USP42: variants seen among roughly 807,000 people sequenced by gnomAD.
USP42 encodes ubiquitin specific peptidase 42.
In USP42, 23 loss-of-function variants were observed where a neutral mutation model predicts 113.0. That is an observed-to-expected ratio of 0.20 (90% CI 0.15 to 0.29). The LOEUF (loss-of-function observed/expected upper bound fraction) is 0.29. Among genes scored for constraint, USP42 ranks in the 10% least tolerant of loss-of-function variants. The pLI is 1.00. For synonymous variants in USP42, 933 were observed against 699.0 expected (o/e 1.33, Z -5.28); for missense variants, 2,174 against 1,779.8 (o/e 1.22, Z -3.99).
At chr7:6,117,591 G>C (rs923654614) in intron 3 of USP42, among the ~76,000 whole-genome samples, 3 of 152,186 alleles carry the variant, frequency 2.0e-5, no homozygotes, top group South Asian at 2.1e-4. Flanking sequence ...TGGGGTGGGT[G>C]TGTACTTTAA....
upstream of USP42, among the ~76,000 whole-genome samples, chr7:6,102,065 A>G (rs1404573234): frequency 6.7e-6 from 1 of 150,248 alleles, no homozygotes; most frequent in Non-Finnish European, 1.5e-5. Flanking sequence ...CTTAATTCAC[A>G]AAAAATACCT....
At chr7:6,085,622 A>T in the USP42 span, among the ~76,000 whole-genome samples, 81,415 of 139,432 alleles carry the variant, frequency 0.58, 24,728 homozygotes, top group Non-Finnish European at 0.62. Context: ...ATATATATAT[A>T]TATTTTTTTT....
At chr7:6,105,954 A>C (rs888886688) in intron 1 of USP42, among the ~76,000 whole-genome samples, 3 of 152,200 alleles carry the variant, frequency 2.0e-5, no homozygotes, top group Admixed American at 2.0e-4. Flanking sequence ...CTGTTTGAGA[A>C]ACTAGTTAAC....
intron 3 of USP42, among the ~76,000 whole-genome samples, chr7:6,118,816 A>T (rs1337159909): frequency 6.6e-6 from 1 of 152,178 alleles, no homozygotes; most frequent in Non-Finnish European, 1.5e-5. Flanking sequence ...GAAGAAAAAA[A>T]ATCAGTAAGC....
rs1050265931 is a variant in USP42, at chr7:6,158,373, C to T, written c.3944-1077C>T. On this transcript the variant is annotated intron_variant, in intron 16 of 17. Coordinates refer to ENST00000306177, the MANE Select transcript of USP42 (RefSeq NM_032172.3). This position sits in a 1 kb window ranked among gnomAD's most constrained non-coding sequence, Gnocchi z 4.2. ...CCATTGTTTGTGTTCACGTGTGAAGCGCATCCCCTCCTCCCAGGGGCTTTT... is the reference window on the plus strand; with the variant it reads ...CCATTGTTTGTGTTCACGTGTGAAGTGCATCCCCTCCTCCCAGGGGCTTTT... Among the ~76,000 whole-genome samples the T allele has an allele frequency of 2.0e-5, 3 of 152,216 alleles. No homozygotes were observed. The highest frequency in any genetic ancestry group is 2.9e-5 in the Non-Finnish European group (2 of 68,036).
chr7:6,102,622 G>GCA (rs1370784033), upstream of USP42, among the ~76,000 whole-genome samples: 89 of 150,770 alleles, frequency 5.9e-4, 4 homozygotes, highest in African/African-American at 2.1e-3. Context: ...CAGGTGTGGT[G>GCA]GGCTGTGCCT....
chr7:6,084,970 C>CG, the USP42 span, among the ~76,000 whole-genome samples: 1 of 150,968 alleles, frequency 6.6e-6, no homozygotes, highest in South Asian at 2.1e-4. Context: ...TCACACACCT[C>CG]GGCCTCTCAG....
chr7:6,117,469 T>C (rs1368909944), intron 3 of USP42, among the ~76,000 whole-genome samples: 1 of 152,244 alleles, frequency 6.6e-6, no homozygotes. Context: ...GGGTCATTTT[T>C]CACTTTGTGC....
At chr7:6,127,040 G>A (rs1780582344) in intron 3 of USP42, among the ~76,000 whole-genome samples, 1 of 152,162 alleles carries the variant, frequency 6.6e-6, no homozygotes, top group Non-Finnish European at 1.5e-5. Flanking sequence ...GGTGTGTAGT[G>A]GTAACTCAGT....
intron 9 of USP42, 112 bp from the exon 10 acceptor site, chr7:6,145,404 C>T (rs1781662322): frequency 3.2e-6 from 4 of 1,258,988 alleles, no homozygotes; most frequent in Non-Finnish European, 4.5e-6. Context: ...TATCACAGGG[C>T]TCAGGTGTTC....
chr7:6,142,719 T>C (rs1002624493), intron 7 of USP42, among the ~76,000 whole-genome samples: 1 of 151,934 alleles, frequency 6.6e-6, no homozygotes, highest in Non-Finnish European at 1.5e-5. Context: ...CCCCTGTCTC[T>C]ACAAAAAAAT....
upstream of USP42, among the ~76,000 whole-genome samples, chr7:6,104,078 TTTC>T (rs1342588835): frequency 2.0e-5 from 3 of 151,180 alleles, no homozygotes; most frequent in Non-Finnish European, 4.4e-5. Flanking sequence ...CCCTGTTTCT[TTTC>T]TTTTCTTTTT....
At chr7:6,138,832 C>G (rs2128503151) in intron 4 of USP42, among the ~76,000 whole-genome samples, 1 of 152,248 alleles carries the variant, frequency 6.6e-6, no homozygotes, top group East Asian at 1.9e-4. Context: ...ACAATTTCAT[C>G]CCAACCCCCT....
In USP42 at chr7:6,156,830, A is replaced by C. The variant is rs764773668; in HGVS notation, c.3718A>C (p.Lys1240Gln). ...CAGACACAAAAAAAAGAAGAAGAAAAAGAAGAGACATTCAAGAAAATCAGA... is the reference window on the plus strand; with the variant it reads ...CAGACACAAAAAAAAGAAGAAGAAACAGAAGAGACATTCAAGAAAATCAGA... ...LHRHKKKKKK[K>Q]KRHSRKSEDF... is the part of the protein sequence containing the mutation. Residue 1240 changes from lysine to glutamine, a missense_variant, in exon 16 of 18, where the codon AAG becomes CAG. Coordinates refer to ENST00000306177, the MANE Select transcript of USP42 (RefSeq NM_032172.3). 8.7e-6 allele frequency: 14 copies of C among 1,608,430 alleles called. 1 individual carries two copies. The highest frequency in any genetic ancestry group is 1.1e-5 in the Non-Finnish European group (13 of 1,178,554).
intron 2 of USP42, among the ~76,000 whole-genome samples, chr7:6,111,581 A>G (rs568849895): frequency 1.2e-3 from 180 of 150,724 alleles, no homozygotes; most frequent in African/African-American, 4.2e-3. Context: ...TTGCTAGAAT[A>G]TTATTAGTTT....
intron 1 of USP42, among the ~76,000 whole-genome samples, chr7:6,108,013 G>A (rs1218306507): frequency 1.3e-5 from 2 of 151,666 alleles, no homozygotes; most frequent in Non-Finnish European, 1.5e-5. Flanking sequence ...AGTGAAACCC[G>A]GCTCCACTAA....
Position 6,139,245 on chromosome 7 carries a change from A to G in USP42, c.656+51A>G, listed in dbSNP as rs867203443. The stretch of plus-strand genomic sequence containing the variant: ...GTCTTCATTGGGGATCTCTGGTTGT[A>G]GTTTATTCTTATCAGAATTCATTTT... On this transcript the variant is annotated intron_variant, in intron 5 of 17. Transcript: ENST00000306177. This position sits in a 1 kb window ranked among gnomAD's most constrained non-coding sequence, Gnocchi z 4.5. 1.5e-6 allele frequency: 2 copies of G among 1,360,250 alleles called. No homozygotes were observed. Among genetic ancestry groups the G allele is most frequent in the Middle Eastern group, 1.8e-4 (1 of 5,472 alleles). The allele number at this position is 1,360,250 out of a possible 1,614,324, so 84.3% of individuals were successfully genotyped here.
chr7:6,085,348 A>C, the USP42 span: 1 of 149,346 alleles, frequency 6.7e-6, no homozygotes, highest in African/African-American at 2.5e-5. Flanking sequence ...GCTGGTCTGG[A>C]TCTCCTGACC....
At chr7:6,104,352 G>C (rs1379867092), upstream of USP42, among the ~76,000 whole-genome samples, 1 of 152,080 alleles carries the variant, frequency 6.6e-6, no homozygotes, top group Non-Finnish European at 1.5e-5. Context: ...AGAATGCTGG[G>C]ATTAAGGCGT....
Sources: allele counts gnomAD v4.1 joint callset (sites outside exome capture counted in the v4.1 genomes callset), GRCh38; gene constraint gnomAD v4.1.1; non-coding constraint Gnocchi (gnomAD v3.1); transcripts MANE v1.5; gene names NCBI Gene and HGNC (gene_info 2026-07-23, HGNC 2026-07-21).